Variants in RUFY1 observed in about 807,000 individuals in gnomAD.
RUFY1 encodes the protein RUN and FYVE domain containing 1, also known as RUN and FYVE domain-containing protein 1.
In RUFY1, 54 loss-of-function variants were observed where a neutral mutation model predicts 94.6. The observed-to-expected ratio is 0.57, with a 90% confidence interval of 0.46 to 0.72. RUFY1 has a LOEUF of 0.72. Ranked by LOEUF, RUFY1 falls within the 30% of genes least tolerant of loss-of-function variation. The pLI, the probability that RUFY1 is intolerant of heterozygous loss-of-function variation, is 0.00. For synonymous variants in RUFY1, 396 were observed against 347.3 expected, an observed-to-expected ratio of 1.14 and a Z score of -1.56; for missense variants, 883 against 883.9, an observed-to-expected ratio of 1.00 and a Z score of 0.01.
At chr5:179,586,394 T>A in intron 8 of RUFY1, 1 of 456,726 alleles carries the variant, frequency 2.2e-6, no homozygotes, top group South Asian at 1.5e-5. Context: ...TGCTGCCAGC[T>A]GCCCGGCAGT....
intron 6 of RUFY1, among the ~76,000 whole-genome samples, chr5:179,579,568 C>T (rs1224897018): frequency 6.6e-6 from 1 of 151,292 alleles, no homozygotes; most frequent in Non-Finnish European, 1.5e-5. Flanking sequence ...CTGACCTCAA[C>T]TGATCCATCT....
intron 15 of RUFY1, chr5:179,602,876 G>A (rs906426217): frequency 6.6e-6 from 1 of 152,362 alleles, no homozygotes. Context: ...CCCTGCTCCC[G>A]AGTACCCATG....
chr5:179,596,383 T>C, intron 12 of RUFY1, 179 bp from the exon 13 acceptor site: 1 of 783,362 alleles, frequency 1.3e-6, no homozygotes, highest in East Asian at 2.4e-5. Flanking sequence ...GTGGGGAGTT[T>C]TGGGAGTGGT....
At chr5:179,596,800 G>A (rs532558195) in intron 13 of RUFY1, 119 bp downstream of exon 13, 115 of 953,262 alleles carry the variant, frequency 1.2e-4, no homozygotes, top group Admixed American at 3.8e-4. Context: ...GGGGGCAGGT[G>A]GTATCCTGCT....
At chr5:179,603,889 C>A (rs892611525) in intron 15 of RUFY1, 10 of 152,216 alleles carry the variant, frequency 6.6e-5, no homozygotes, top group African/African-American at 2.2e-4. Flanking sequence ...GAAACCCCAT[C>A]TCTACTAAAA....
chr5:179,559,919 G>C (rs1762309672), intron 1 of RUFY1, 106 bp from the exon 2 acceptor site: 1 of 1,479,016 alleles, frequency 6.8e-7, no homozygotes, highest in African/African-American at 1.4e-5. Context: ...CGTTCCCTAA[G>C]CAGACCGCCT....
chr5:179,583,980 C>T (rs910516205), intron 7 of RUFY1, among the ~76,000 whole-genome samples: 5 of 151,916 alleles, frequency 3.3e-5, no homozygotes, highest in Non-Finnish European at 7.4e-5. Context: ...GATCTCCTGA[C>T]GTTGTGATCC....
At chr5:179,552,164 C>CAAAAAA (rs563730431) in intron 1 of RUFY1, among the ~76,000 whole-genome samples, 12,274 of 73,246 alleles carry the variant, frequency 0.17, 1,950 homozygotes, top group East Asian at 0.43. Flanking sequence ...GACTCTGTCT[C>CAAAAAA]AAAAAAAAAA....
rs1412093707 is a variant in RUFY1 at position 179,585,875 on chromosome 5, T to G, written c.1026+10T>G. 3.7e-6 allele frequency: 6 copies of G among 1,608,848 alleles called. No individual in the cohort carries two copies. Among genetic ancestry groups the G allele is most frequent in the Non-Finnish European group, 4.3e-6 (5 of 1,175,386 alleles). ...AAAGCTTCAAGAAGAGGTTTGTAAG[T>G]TTTATTGAAATTTTTAGACAAAACA... On this transcript the variant is annotated intron_variant, in intron 8 of 17. Transcript: ENST00000319449.
intron 9 of RUFY1, among the ~76,000 whole-genome samples, chr5:179,589,964 T>C (rs190837360): frequency 1.5e-4 from 23 of 152,278 alleles, no homozygotes; most frequent in African/African-American, 5.3e-4. Flanking sequence ...TCCTCCTGTA[T>C]TCCCATTGCT....
chr5:179,593,665 C>T lies in RUFY1; in HGVS notation c.1413+20C>T, dbSNP rs539452218. 3 of 1,609,600 alleles carry T rather than the reference C, an allele frequency of 1.9e-6. No individual in the cohort carries two copies. Among genetic ancestry groups the T allele is most frequent in the East Asian group, 2.2e-5 (1 of 44,802 alleles). On this transcript the variant is annotated intron_variant, in intron 11 of 17. Coordinates refer to ENST00000319449, the MANE Select transcript of RUFY1 (RefSeq NM_025158.5). ...GCTCAGGTGGGAGTTGGCTTTGTGT[C>T]CATGGCACAGCCTGGTTTCTGCTGC...
chr5:179,592,623 T>C (rs568151454), intron 10 of RUFY1, among the ~76,000 whole-genome samples: 5 of 152,328 alleles, frequency 3.3e-5, no homozygotes, highest in African/African-American at 1.2e-4. Flanking sequence ...ATTCTCTCCG[T>C]CATAACCTCT....
chr5:179,574,589 A>G (rs1763481197), intron 5 of RUFY1, among the ~76,000 whole-genome samples: 1 of 152,108 alleles, frequency 6.6e-6, no homozygotes, highest in Non-Finnish European at 1.5e-5. Context: ...GTTTTGATCA[A>G]TTTATTGGTT....
At position 179,567,470 on chromosome 5, in the gene RUFY1, GGGAAGAGGCCGAGCGTGGCTTTAT is replaced by G. The variant is rs1762913373; in HGVS notation, c.613_636del (p.Gly205_Tyr212del). ...TCTGTTTGAATTCTAGGACAGCTGTGGGAAGAGGCCGAGCGTGGCTTTATCTTGCACTCATGCAAAAGAAACTGG... is the reference window on the plus strand; with the variant it reads ...TCTGTTTGAATTCTAGGACAGCTGTGCTTGCACTCATGCAAAAGAAACTGG... On this transcript the variant is annotated inframe_deletion, in exon 4 of 18. Transcript: ENST00000319449. 1 of 1,613,134 alleles carries G rather than the reference GGGAAGAGGCCGAGCGTGGCTTTAT, an allele frequency of 6.2e-7. No individual in the cohort carries two copies. Among genetic ancestry groups the G allele is most frequent in the Non-Finnish European group, 8.5e-7 (1 of 1,179,216 alleles).
intron 1 of RUFY1, chr5:179,559,769 C>T: frequency 5.0e-6 from 6 of 1,196,656 alleles, no homozygotes; most frequent in Non-Finnish European, 5.2e-6. Flanking sequence ...ACGCGCGGAG[C>T]CGTCTGGGAG....
Position 179,601,925 on chromosome 5 carries a change from C to A in RUFY1, c.1795C>A (p.Leu599Met), listed in dbSNP as rs762710883. 2 of 1,613,352 alleles carry A rather than the reference C, an allele frequency of 1.2e-6. No individual in the cohort carries two copies. The highest frequency in any genetic ancestry group is 8.5e-7 in the Non-Finnish European group (1 of 1,179,712). The stretch of plus-strand genomic sequence containing the variant: ...GGAGCTTCAGGACGAGAAGGCAGAG[C>A]TGCAGAAGATCTGCGAGGAGCAGGA... ...LRELQDEKAE[L>M]QKICEEQEQA... Residue 599 changes from leucine (L) to methionine (M), a missense_variant, in exon 15 of 18, where the codon CTG (leucine) becomes ATG (methionine). Leu to Met is a conservative substitution (Grantham distance 15). Coordinates refer to ENST00000319449, the MANE Select transcript of RUFY1 (RefSeq NM_025158.5).
At chr5:179,553,738 C>A (rs1197381581) in intron 1 of RUFY1, among the ~76,000 whole-genome samples, 3 of 152,032 alleles carry the variant, frequency 2.0e-5, no homozygotes, top group African/African-American at 7.2e-5. Context: ...TGCAGTGAGC[C>A]GAGACCATTC....
rs1011751923 is a variant in RUFY1, at chr5:179,566,514, G to T, written c.603-947G>T. On this transcript the variant is annotated intron_variant, in intron 3 of 17. Transcript: ENST00000319449. ...CCAGCTACTCGGGAGGCTGAGGCAG[G>T]AGAATCACTTGAACCTGCGAGGTGG... Among the ~76,000 whole-genome samples the T allele has an allele frequency of 3.3e-5, 5 of 151,902 alleles. No individual in the cohort carries two copies. The South Asian group carries it at 1.0e-3, about 32-fold the overall frequency.
Position 179,609,326 on chromosome 5 carries a change from G to A in RUFY1, c.1984-50G>A, listed in dbSNP as rs201623565. On this transcript the variant is annotated intron_variant, in intron 17 of 17. Coordinates refer to ENST00000319449, the MANE Select transcript of RUFY1 (RefSeq NM_025158.5). Reference sequence around the variant, plus strand: ...GGGTCAGGAAGCAGGGAGGGTGTGCGGATGGCTTTTCCCCGGGTGTCCTGT... The same window carrying A: ...GGGTCAGGAAGCAGGGAGGGTGTGCAGATGGCTTTTCCCCGGGTGTCCTGT... 4.3e-5 allele frequency: 68 copies of A among 1,591,910 alleles called. 1 individual carries two copies. Among genetic ancestry groups the A allele is most frequent in the Middle Eastern group, 3.5e-4 (2 of 5,696 alleles).
Sources: allele counts gnomAD v4.1 joint callset (sites outside exome capture counted in the v4.1 genomes callset), GRCh38; gene constraint gnomAD v4.1.1; transcripts MANE v1.5; gene names NCBI Gene and HGNC (gene_info 2026-07-23, HGNC 2026-07-21).